The following SLC9A4 variants were observed in gnomAD, a reference collection of about 807,000 sequenced individuals.
SLC9A4 encodes solute carrier family 9 member A4, also known as sodium/hydrogen exchanger 4.
In SLC9A4, 63 loss-of-function variants were observed where a neutral mutation model predicts 67.4. That is an observed-to-expected ratio of 0.93 (90% CI 0.76 to 1.15). The LOEUF is 1.15. Among genes scored for constraint, SLC9A4 ranks in the 50% most tolerant of loss-of-function variants. The pLI is 0.00. For synonymous variants in SLC9A4, 393 were observed against 367.2 expected, an observed-to-expected ratio of 1.07 and a Z score of -0.80; for missense variants, 1,089 against 987.7, an observed-to-expected ratio of 1.10 and a Z score of -1.38.
chr2:102,473,502 A>G lies in SLC9A4; in HGVS notation c.-258A>G, dbSNP rs1377243824. ...GGATGGAGGTCCTCCAGGTAGCTCCATGGACTTTAACAAGTCTATTGAATA... is the reference window on the plus strand; with the variant it reads ...GGATGGAGGTCCTCCAGGTAGCTCCGTGGACTTTAACAAGTCTATTGAATA... On this transcript the variant is annotated 5_prime_UTR_variant, in exon 1 of 12. An upstream start codon of the reference 5' UTR is lost. Transcript: ENST00000295269. 1 of 488,570 alleles carries G rather than the reference A, an allele frequency of 2.0e-6. No homozygotes were observed. The highest frequency in any genetic ancestry group is 3.6e-6 in the Non-Finnish European group (1 of 275,098). The allele number at this position is 488,570 out of a possible 1,614,324, so 30.3% of individuals were successfully genotyped here. A position where few individuals can be genotyped will look rare whatever the true frequency, so the allele number is the denominator to read the frequency against.
chr2:102,514,175 A>G lies in SLC9A4; in HGVS notation c.1645A>G (p.Lys549Glu), dbSNP rs1033945650. The part of the protein sequence containing the change: ...PKSSIVSLYK[K>E]LEMKQAIEMV... Reference sequence around the variant, plus strand: ...ATCAAGCATTGTTTCTTTGTACAAGAAGCTGGAAATGAAGCAAGCCATCGA... The same window carrying G: ...ATCAAGCATTGTTTCTTTGTACAAGGAGCTGGAAATGAAGCAAGCCATCGA... The change falls in exon 8 of 12, where the codon AAG (lysine) becomes GAG (glutamate). Residue 549 changes from lysine (K) to glutamate (E), a missense_variant. Coordinates refer to ENST00000295269, the MANE Select transcript of SLC9A4 (RefSeq NM_001011552.4). 5 of 1,614,158 alleles carry G rather than the reference A, an allele frequency of 3.1e-6. No homozygotes were observed. Among genetic ancestry groups the G allele is most frequent in the Non-Finnish European group, 8.5e-7 (1 of 1,180,016 alleles).
intron 2 of SLC9A4, among the ~76,000 whole-genome samples, chr2:102,493,757 T>C (rs1684752311): frequency 2.0e-5 from 3 of 151,958 alleles, no homozygotes; most frequent in Admixed American, 6.5e-5. Context: ...CAACTCATAG[T>C]TGTTCATGGT....
intron 1 of SLC9A4, among the ~76,000 whole-genome samples, chr2:102,476,605 C>G (rs1238148326): frequency 1.3e-5 from 2 of 152,110 alleles, no homozygotes; most frequent in Non-Finnish European, 2.9e-5. Flanking sequence ...ACACTATGGG[C>G]TCTTCCACCT....
At chr2:102,509,261 T>C (rs1685109632) in intron 6 of SLC9A4, among the ~76,000 whole-genome samples, 1 of 152,212 alleles carries the variant, frequency 6.6e-6, no homozygotes. Context: ...CCATGGCCCC[T>C]TCCATCTTCA....
chr2:102,475,112 G>T (rs1166996814), intron 1 of SLC9A4, among the ~76,000 whole-genome samples: 2 of 152,198 alleles, frequency 1.3e-5, no homozygotes, highest in Non-Finnish European at 2.9e-5. Flanking sequence ...ATGTTAGTTT[G>T]AAGAAGTCTT....
intron 2 of SLC9A4, among the ~76,000 whole-genome samples, chr2:102,481,035 C>A (rs1291880789): frequency 6.6e-6 from 1 of 152,146 alleles, no homozygotes; most frequent in Non-Finnish European, 1.5e-5. Context: ...GACCTAAGAC[C>A]TTCTACTCAG....
At chr2:102,489,165 T>C (rs1684649234) in intron 2 of SLC9A4, among the ~76,000 whole-genome samples, 1 of 152,110 alleles carries the variant, frequency 6.6e-6, no homozygotes, top group Admixed American at 6.6e-5. Flanking sequence ...TGACACTAGA[T>C]GGTGAAAGAT....
intron 7 of SLC9A4, 57 bp from the exon 8 acceptor site, chr2:102,514,033 C>T: frequency 6.4e-7 from 1 of 1,562,336 alleles, no homozygotes. Context: ...GAAATGCATA[C>T]TTAATGTAAC....
intron 9 of SLC9A4, among the ~76,000 whole-genome samples, chr2:102,520,847 AC>A (rs2104445737): frequency 6.6e-6 from 1 of 152,308 alleles, no homozygotes; most frequent in East Asian, 1.9e-4. Flanking sequence ...CTACCCACCC[AC>A]CCAGTGCTCT....
chr2:102,505,561 G>A, intron 4 of SLC9A4, 90 bp downstream of exon 4: 1 of 1,295,240 alleles, frequency 7.7e-7, no homozygotes, highest in South Asian at 1.3e-5. Context: ...GGAGGACTGA[G>A]TAGATGCTAA....
intron 1 of SLC9A4, among the ~76,000 whole-genome samples, chr2:102,477,811 G>C (rs973126798): frequency 2.0e-5 from 3 of 152,196 alleles, no homozygotes; most frequent in Non-Finnish European, 1.5e-5. Context: ...ATAGTGCAGA[G>C]TGTGTGGGAG....
intron 8 of SLC9A4, among the ~76,000 whole-genome samples, chr2:102,517,218 G>A (rs1344970421): frequency 1.3e-5 from 2 of 152,066 alleles, no homozygotes; most frequent in African/African-American, 4.8e-5. Flanking sequence ...CTGCACACAG[G>A]GCTGCTGGTG....
chr2:102,516,259 A>AT (rs923996950), intron 8 of SLC9A4, among the ~76,000 whole-genome samples: 8 of 151,698 alleles, frequency 5.3e-5, no homozygotes, highest in African/African-American at 1.4e-4. Context: ...GTACGAGATA[A>AT]TTTTTTTTTC....
intron 1 of SLC9A4, among the ~76,000 whole-genome samples, chr2:102,476,775 C>G (rs986216938): frequency 1.1e-4 from 16 of 151,478 alleles, no homozygotes; most frequent in African/African-American, 3.9e-4. Context: ...TAAGAAGGAG[C>G]AGCAGGAGTT....
Position 102,503,577 on chromosome 2 carries a change from T to C in SLC9A4, c.850T>C (p.Phe284Leu). 1 of 1,614,162 alleles carries C rather than the reference T, an allele frequency of 6.2e-7. No homozygotes were observed. The highest frequency in any genetic ancestry group is 8.5e-7 in the Non-Finnish European group (1 of 1,180,030). Residue 284 changes from phenylalanine to leucine, a missense_variant, in exon 3 of 12, where the codon TTT becomes CTT. By Grantham distance (22) the Phe-to-Leu change is conservative. Transcript: ENST00000295269. The part of the protein sequence containing the change: ...GLGGVLFGIV[F>L]GFISAFITRF... ...TGGAGGGGTATTGTTTGGCATCGTT[T>C]TTGGATTTATTTCTGCATTTATCAC...
chr2:102,507,784 A>G (rs1366290639), intron 4 of SLC9A4, among the ~76,000 whole-genome samples: 4 of 152,218 alleles, frequency 2.6e-5, no homozygotes, highest in Non-Finnish European at 5.9e-5. Flanking sequence ...TAGAAAATAT[A>G]TACCTTACAT....
At chr2:102,503,906 A>G (rs1158776677) in intron 3 of SLC9A4, among the ~76,000 whole-genome samples, 199 bp downstream of exon 3, 1 of 152,186 alleles carries the variant, frequency 6.6e-6, no homozygotes, top group Admixed American at 6.5e-5. Flanking sequence ...GCCTGCCTTC[A>G]TCTTCTTGTG....
chr2:102,528,397 GTTCT>G (rs1354903916), intron 11 of SLC9A4, among the ~76,000 whole-genome samples: 36 of 119,102 alleles, frequency 3.0e-4, no homozygotes, highest in African/African-American at 1.0e-3. Context: ...AAGTGTCACA[GTTCT>G]TTCTTTTTTT....
At chr2:102,509,634 T>G (rs1685118434) in intron 6 of SLC9A4, among the ~76,000 whole-genome samples, 1 of 152,136 alleles carries the variant, frequency 6.6e-6, no homozygotes, top group African/African-American at 2.4e-5. Flanking sequence ...ATCCAAAATA[T>G]CATCTGAATC....
Sources: gnomAD v4.1 joint callset for allele counts (sites outside exome capture counted in the v4.1 genomes callset) on GRCh38, gnomAD v4.1.1 for gene constraint, MANE v1.5 for transcripts, NCBI Gene and HGNC (gene_info 2026-07-23, HGNC 2026-07-21) for gene names.